The following ROR1 variants were observed in gnomAD, a reference collection of about 807,000 sequenced individuals.
ROR1 encodes the protein inactive tyrosine-protein kinase transmembrane receptor ROR1.
A neutral mutation model predicts 78.8 loss-of-function variants in ROR1; 19 were observed. The observed-to-expected ratio is 0.24, with a 90% CI of 0.17 to 0.35. ROR1 has a LOEUF of 0.35. Among genes scored for constraint, ROR1 ranks in the 10% least tolerant of loss-of-function variants. ROR1 has a pLI of 1.00. For synonymous variants in ROR1, 386 were observed against 433.6 expected (o/e 0.89, Z 1.36); for missense variants, 917 against 1,177.8 (o/e 0.78, Z 3.24).
At chr1:63,814,204 C>T (rs1246662401) in intron 1 of ROR1, among the ~76,000 whole-genome samples, 1 of 152,234 alleles carries the variant, frequency 6.6e-6, no homozygotes, top group Non-Finnish European at 1.5e-5. Flanking sequence ...TGGGCACCTT[C>T]TGCGCCCTCT....
rs1650305577 is a variant in ROR1, at chr1:64,173,776, A to C, written c.1387-3652A>C. On this transcript the variant is annotated intron_variant, in intron 8 of 8. Coordinates refer to ENST00000371079, the MANE Select transcript of ROR1 (RefSeq NM_005012.4). ...AAGGCCATGTGTAGGGCTGATGCCA[A>C]GGTCCTGTCCACCTCTTCCTCTTTT... Among the ~76,000 whole-genome samples the C allele has an allele frequency of 2.6e-5, 4 of 152,290 alleles. No individual in the cohort carries two copies. The South Asian group carries it at 8.3e-4, about 32-fold the overall frequency.
intron 1 of ROR1, among the ~76,000 whole-genome samples, chr1:63,813,520 T>C (rs1225980227): frequency 6.6e-6 from 1 of 152,216 alleles, no homozygotes; most frequent in African/African-American, 2.4e-5. Context: ...AGAGCACTGG[T>C]ACCCTGCCCA....
At chr1:63,856,492 G>T (rs1330032337) in intron 1 of ROR1, among the ~76,000 whole-genome samples, 1 of 152,072 alleles carries the variant, frequency 6.6e-6, no homozygotes, top group South Asian at 2.1e-4. Context: ...TACTTGAGGG[G>T]GATTCTCTGT....
At chr1:64,136,340 G>A (rs1649099784) in intron 4 of ROR1, among the ~76,000 whole-genome samples, 1 of 146,440 alleles carries the variant, frequency 6.8e-6, no homozygotes. Flanking sequence ...AGAAACCAAA[G>A]GGGAAAAACG....
intron 1 of ROR1, among the ~76,000 whole-genome samples, chr1:63,860,808 G>C (rs2100344524): frequency 6.6e-6 from 1 of 151,512 alleles, no homozygotes; most frequent in Admixed American, 6.6e-5. Context: ...AAGAATGGAA[G>C]GGTACAATCT....
intron 4 of ROR1, among the ~76,000 whole-genome samples, chr1:64,069,944 T>C (rs1161742207): frequency 6.6e-6 from 1 of 152,194 alleles, no homozygotes; most frequent in African/African-American, 2.4e-5. Flanking sequence ...TGTCTAGTTG[T>C]AGAACATTTT....
intron 2 of ROR1, among the ~76,000 whole-genome samples, chr1:64,031,814 A>G (rs1194276607): frequency 1.3e-5 from 2 of 152,158 alleles, no homozygotes; most frequent in African/African-American, 2.4e-5. Context: ...TTGTGAAGGC[A>G]TAGCCTTGAA....
intron 1 of ROR1, among the ~76,000 whole-genome samples, chr1:64,006,806 C>G (rs1420550874): frequency 6.6e-6 from 1 of 152,054 alleles, no homozygotes; most frequent in Non-Finnish European, 1.5e-5. Flanking sequence ...AGAGGTAAGC[C>G]AAGGAGGTCT....
At chr1:64,081,943 G>A (rs57577806) in intron 4 of ROR1, among the ~76,000 whole-genome samples, 22,738 of 151,970 alleles carry the variant, frequency 0.15, 1,776 homozygotes, top group Middle Eastern at 0.2. Context: ...TGTTTATAAC[G>A]TTTTTAATAA....
intron 1 of ROR1, among the ~76,000 whole-genome samples, chr1:63,784,741 T>C (rs1367381024): frequency 6.6e-6 from 1 of 152,144 alleles, no homozygotes; most frequent in African/African-American, 2.4e-5. Context: ...GTGCCTACCA[T>C]GACAGAGGGG....
In ROR1 at chr1:63,823,445, C is replaced by CTTTTTTTT. The variant is rs11374055; in HGVS notation, c.91+48952_91+48959dup. ...ATATTGCTGCTAACTACAGACATTA[C>CTTTTTTTT]TTTTTTTTTTTTTTTTTTTTTTGAG... On this transcript the variant is annotated intron_variant, in intron 1 of 8. Coordinates refer to ENST00000371079, the MANE Select transcript of ROR1 (RefSeq NM_005012.4). 1.0e-4 allele frequency among the ~76,000 whole-genome samples: 11 copies of CTTTTTTTT among 106,146 alleles called. 1 individual carries two copies. Among genetic ancestry groups the CTTTTTTTT allele is most frequent in the African/African-American group, 1.9e-4 (5 of 26,530 alleles). 69.6% of individuals were successfully genotyped at this position (106,146 alleles called of 152,430 possible). A position where few individuals can be genotyped will look rare whatever the true frequency, so the allele number is the denominator to read the frequency against.
chr1:64,067,624 T>G (rs1381686078), intron 4 of ROR1, among the ~76,000 whole-genome samples: 1 of 151,984 alleles, frequency 6.6e-6, no homozygotes, highest in Non-Finnish European at 1.5e-5. Flanking sequence ...TTGACAAAAT[T>G]GGTTCATCAT....
At chr1:63,801,207 G>T (rs1004470473) in intron 1 of ROR1, among the ~76,000 whole-genome samples, 1 of 152,026 alleles carries the variant, frequency 6.6e-6, no homozygotes, top group African/African-American at 2.4e-5. Flanking sequence ...AAAAGCATTT[G>T]CATGCTTTTG....
Position 63,938,588 on chromosome 1 carries a change from C to T in ROR1, c.92-70717C>T, listed in dbSNP as rs572919015. On this transcript the variant is annotated intron_variant, in intron 1 of 8. Transcript: ENST00000371079. ...GGGGAGTTGCTTCACAAATACTGAT[C>T]GGATTGCTGTTCAATGAAATCTCCG... is the stretch of plus-strand genomic sequence containing the variant. Among the ~76,000 whole-genome samples, 8 of 152,244 alleles carry T rather than the reference C, an allele frequency of 5.3e-5. No homozygotes were observed. The South Asian group carries it at 6.2e-4, about 12-fold the overall frequency.
chr1:64,124,819 T>C (rs1482348534), intron 4 of ROR1, among the ~76,000 whole-genome samples: 2 of 152,200 alleles, frequency 1.3e-5, no homozygotes, highest in African/African-American at 4.8e-5. Flanking sequence ...AAACAAAGCA[T>C]GAACACTAGG....
Position 64,178,285 on chromosome 1 carries a change from C to T in ROR1, c.2244C>T (p.Ser748=), listed in dbSNP as rs1034419001. Residue 748 remains serine (S), a synonymous_variant, in exon 9 of 9, where the codon TCC becomes TCT. Transcript: ENST00000371079. The surrounding 1 kb of genome is among the most constrained non-coding windows in gnomAD (Gnocchi z 4.3). ...RFKDIHVRLR[S]WEGLSSHTSS... ...AAGATATTCACGTCCGGCTTCGGTC[C>T]TGGGAGGGACTCTCAAGTCACACAA... 9.3e-6 allele frequency: 15 copies of T among 1,614,038 alleles called. No homozygotes were observed. The Admixed American group carries it at 1.8e-4, about 20-fold the overall frequency.
chr1:63,953,614 T>G (rs1645958643), intron 1 of ROR1, among the ~76,000 whole-genome samples: 1 of 152,186 alleles, frequency 6.6e-6, no homozygotes, highest in Admixed American at 6.5e-5. Flanking sequence ...GCATACAGTG[T>G]CCAACCCAGT....
At chr1:64,141,341 C>T (rs549911347) in intron 6 of ROR1, among the ~76,000 whole-genome samples, 8 of 126,898 alleles carry the variant, frequency 6.3e-5, no homozygotes, top group African/African-American at 2.7e-4. Flanking sequence ...AAGCTTCTTA[C>T]ATGGCAGGAG....
chr1:64,062,141 C>A (rs1646922285), intron 4 of ROR1, among the ~76,000 whole-genome samples: 1 of 152,190 alleles, frequency 6.6e-6, no homozygotes, highest in Admixed American at 6.5e-5. Context: ...TACTTGCCTC[C>A]TGTTGAATAG....
Sources: allele counts gnomAD v4.1 joint callset (sites outside exome capture counted in the v4.1 genomes callset), GRCh38; gene constraint gnomAD v4.1.1; non-coding constraint Gnocchi (gnomAD v3.1); transcripts MANE v1.5; gene names NCBI Gene and HGNC (gene_info 2026-07-23, HGNC 2026-07-21).